The following PHLDB1 variants were observed in gnomAD, a reference collection of about 807,000 sequenced individuals.
The protein encoded by PHLDB1 is pleckstrin homology-like domain family B member 1.
A neutral mutation model predicts 139.3 loss-of-function variants in PHLDB1; 65 were observed. The observed-to-expected ratio is 0.47, with a 90% CI of 0.38 to 0.57. PHLDB1 has a LOEUF of 0.57. PHLDB1 is among the 20% of genes least tolerant of loss of function. PHLDB1 has a pLI of 0.00. For missense variants in PHLDB1, 1,624 were observed against 1,839.7 expected (o/e 0.88, Z 2.14); for synonymous variants, 679 against 734.5 (o/e 0.92, Z 1.22).
chr11:118,647,225 T>C (rs1947661631), intron 17 of PHLDB1: 1 of 152,216 alleles, frequency 6.6e-6, no homozygotes, highest in Non-Finnish European at 1.5e-5. Flanking sequence ...ATATATTAGC[T>C]GTCAAAAAAA....
intron 18 of PHLDB1, among the ~76,000 whole-genome samples, chr11:118,648,380 G>A (rs1217249160): frequency 5.3e-5 from 8 of 151,106 alleles, no homozygotes; most frequent in Non-Finnish European, 1.0e-4. Flanking sequence ...GCAGACATCC[G>A]GGGTCAGAGA....
intron 20 of PHLDB1, chr11:118,652,816 A>C (rs1353780427): frequency 6.6e-6 from 1 of 152,448 alleles, no homozygotes; most frequent in East Asian, 1.9e-4. Flanking sequence ...ACCACATGCC[A>C]GGTGCTGGGC....
chr11:118,617,150 G>A (rs1941816363), intron 4 of PHLDB1, among the ~76,000 whole-genome samples: 1 of 152,214 alleles, frequency 6.6e-6, no homozygotes. Context: ...TGACAGACCA[G>A]GTGTGCTCAC....
rs542973448 is a variant in PHLDB1, at chr11:118,645,457, C to T, written c.3223C>T (p.Pro1075Ser). 1.9e-6 allele frequency: 3 copies of T among 1,607,580 alleles called. No homozygotes were observed. The highest frequency in any genetic ancestry group is 2.2e-5 in the South Asian group (2 of 89,852). The part of the protein sequence containing the change: ...CQWDALHGAA[P>S]FPAGPSGFPP... ...GTGGGATGCCCTTCACGGGGCAGCA[C>T]CCTTCCCAGCGGGCCCCTCGGGCTT... Residue 1075 changes from proline to serine, a missense_variant, in exon 16 of 23, where the codon CCC (proline) becomes TCC (serine). By Grantham distance (74) the Pro-to-Ser change is moderately conservative. Coordinates refer to ENST00000600882, the MANE Select transcript of PHLDB1 (RefSeq NM_001144758.3). This position sits in a 1 kb window ranked among gnomAD's most constrained non-coding sequence, Gnocchi z 5.1.
At chr11:118,646,720 G>A (rs965311841) in intron 17 of PHLDB1, 14 of 152,228 alleles carry the variant, frequency 9.2e-5, no homozygotes, top group African/African-American at 3.1e-4. Context: ...GATAAATAAA[G>A]GATCTGCAGA....
chr11:118,650,098 C>G lies in PHLDB1; in HGVS notation c.3676C>G (p.Leu1226Val). ...CCAGGCACGACCCCTGACCCGCTAC[C>G]TGCCAATCCGGAAGGAGGACTTTGA... Reference protein sequence around the residue: ...FSQARPLTRYLPIRKEDFDLK... With the variant: ...FSQARPLTRYVPIRKEDFDLK... The change falls in exon 19 of 23, where the codon CTG becomes GTG. Residue 1226 changes from leucine (L) to valine (V), a missense_variant. Transcript: ENST00000600882. The surrounding 1 kb of genome is among the most constrained non-coding windows in gnomAD (Gnocchi z 4.7). The G allele has an allele frequency of 6.2e-7, 1 of 1,614,156 alleles. No individual in the cohort carries two copies. The highest frequency in any genetic ancestry group is 8.5e-7 in the Non-Finnish European group (1 of 1,179,974).
intron 13 of PHLDB1, 160 bp from the exon 14 acceptor site, chr11:118,643,640 A>T: frequency 5.1e-6 from 5 of 985,412 alleles, no homozygotes; most frequent in Non-Finnish European, 6.0e-6. Context: ...TGCCAATAGC[A>T]TCTGGCCATT....
intron 20 of PHLDB1, chr11:118,652,017 A>C (rs1948418779): frequency 6.6e-6 from 1 of 152,178 alleles, no homozygotes; most frequent in African/African-American, 2.4e-5. Flanking sequence ...GACACACATC[A>C]TTTCTGTCCA....
chr11:118,627,494 C>A lies in PHLDB1; in HGVS notation c.671C>A (p.Pro224Gln), dbSNP rs781811610. ...CCTGCCGCAACCTCTCCACTGTCAC[C>A]GATGGCTAATGGTGGGCGCTACCTG... ...KKPAATSPLS[P>Q]MANGGRYLLS... Residue 224 changes from proline to glutamine, a missense_variant, in exon 6 of 23, where the codon CCG becomes CAG. Physicochemically the swap from Pro to Gln is moderately conservative, Grantham distance 76. Coordinates refer to ENST00000600882, the MANE Select transcript of PHLDB1 (RefSeq NM_001144758.3). 6.2e-7 allele frequency: 1 copy of A among 1,614,108 alleles called. No individual in the cohort carries two copies. The highest frequency in any genetic ancestry group is 8.5e-7 in the Non-Finnish European group (1 of 1,180,042).
intron 6 of PHLDB1, chr11:118,629,857 C>T (rs1314068734): frequency 1.7e-5 from 7 of 400,796 alleles, no homozygotes; most frequent in Admixed American, 3.7e-5. Flanking sequence ...CACCCCCATT[C>T]CCACACATAA....
Position 118,638,873 on chromosome 11 carries a change from C to A in PHLDB1, c.2536-18C>A. 1 of 1,585,192 alleles carries A rather than the reference C, an allele frequency of 6.3e-7. No individual in the cohort carries two copies. Among genetic ancestry groups the A allele is most frequent in the Admixed American group, 1.8e-5 (1 of 56,884 alleles). ...CCCTGTCTCCCCAGGGCCTGATCAA[C>A]CACCCCATCTCCTTTAGGAGCGCCT... On this transcript the variant is annotated intron_variant, in intron 10 of 22. Coordinates refer to ENST00000600882, the MANE Select transcript of PHLDB1 (RefSeq NM_001144758.3).
intron 4 of PHLDB1, among the ~76,000 whole-genome samples, chr11:118,619,914 G>A (rs1942419760): frequency 6.6e-6 from 1 of 152,208 alleles, no homozygotes. Context: ...ATGCCTGGGT[G>A]AGTGTGTAAC....
chr11:118,642,326 G>A lies in PHLDB1; in HGVS notation c.2809G>A (p.Gly937Ser). The A allele has an allele frequency of 6.2e-7, 1 of 1,612,476 alleles. No homozygotes were observed. Among genetic ancestry groups the A allele is most frequent in the Non-Finnish European group, 8.5e-7 (1 of 1,179,928 alleles). ...YQELMAGLGT[G>S]PAAASPHSSP... ...GGAGCTGATGGCCGGGCTGGGGACT[G>A]GCCCCGCTGCAGCCTCCCCTCACTC... The change falls in exon 13 of 23, where the codon GGC becomes AGC. Residue 937 changes from glycine (G) to serine (S), a missense_variant. Transcript: ENST00000600882.
rs1412506969 is a variant in PHLDB1 at position 118,656,678 on chromosome 11, G to C, written c.3994-5G>C. On this transcript the variant is annotated splice_region_variant and splice_polypyrimidine_tract_variant and intron_variant, in intron 22 of 22. Coordinates refer to ENST00000600882, the MANE Select transcript of PHLDB1 (RefSeq NM_001144758.3). ...ATCTTAGACCTTCCTCTCTTCCTTT[G>C]GCAGAGCCCGAACCCAGCCCTCACC... The C allele has an allele frequency of 1.2e-6, 2 of 1,612,720 alleles. No individual in the cohort carries two copies. Among genetic ancestry groups the C allele is most frequent in the Non-Finnish European group, 1.7e-6 (2 of 1,179,218 alleles).
At chr11:118,656,579 G>A in intron 22 of PHLDB1, 104 bp from the exon 23 acceptor site, 2 of 1,137,670 alleles carry the variant, frequency 1.8e-6, no homozygotes, top group Non-Finnish European at 2.6e-6. Context: ...AAGCTCCAGG[G>A]CTTTCTAGGG....
intron 18 of PHLDB1, among the ~76,000 whole-genome samples, chr11:118,648,921 C>T (rs527436184): frequency 6.6e-6 from 1 of 152,296 alleles, no homozygotes; most frequent in East Asian, 1.9e-4. Context: ...TCACAGTTCC[C>T]TCATTTCCTA....
Position 118,631,358 on chromosome 11 carries a change from C to T in PHLDB1, c.1979C>T (p.Ala660Val). Residue 660 changes from alanine (A) to valine (V), a missense_variant, in exon 7 of 23, where the codon GCC (alanine) becomes GTC (valine). By Grantham distance (64) the Ala-to-Val change is moderately conservative. Transcript: ENST00000600882. Reference sequence around the variant, plus strand: ...AGGCCCTCACGAGGCCTTGCAGGGGCCTCTGGGCGGAGCAGCGAGGAGCCT... The same window carrying T: ...AGGCCCTCACGAGGCCTTGCAGGGGTCTCTGGGCGGAGCAGCGAGGAGCCT... ...GRRPSRGLAG[A>V]SGRSSEEPGV... is the part of the protein sequence containing the mutation. The T allele has an allele frequency of 6.5e-7, 1 of 1,533,364 alleles. No individual in the cohort carries two copies. The highest frequency in any genetic ancestry group is 8.8e-7 in the Non-Finnish European group (1 of 1,141,596). 95.0% of individuals were successfully genotyped at this position (1,533,364 alleles called of 1,614,324 possible).
At chr11:118,641,546 G>C in intron 12 of PHLDB1, 1 of 984,684 alleles carries the variant, frequency 1.0e-6, no homozygotes, top group Non-Finnish European at 1.3e-6. Context: ...CCTGTGGGTA[G>C]GGCCATCTCA....
rs1555118143 is a variant in PHLDB1 at position 118,639,181 on chromosome 11, T to A, written c.2666T>A (p.Val889Glu). 3.7e-6 allele frequency: 6 copies of A among 1,614,126 alleles called. No individual in the cohort carries two copies. In the South Asian group the frequency reaches 6.6e-5, roughly 18 times the overall value. ...TCGCAGGAGAAGGAGAAGCTGACTG[T>A]GCTGGAAAGGAGATACCACTCACTC... is the stretch of plus-strand genomic sequence containing the variant. ...LLQKEKEKLT[V>E]LERRYHSLTG... The change falls in exon 12 of 23, where the codon GTG (valine) becomes GAG (glutamate). Residue 889 changes from valine to glutamate, a missense_variant. By Grantham distance (121) the Val-to-Glu change is moderately radical (BLOSUM62 -2). Coordinates refer to ENST00000600882, the MANE Select transcript of PHLDB1 (RefSeq NM_001144758.3).
Sources: gnomAD v4.1 joint callset for allele counts (sites outside exome capture counted in the v4.1 genomes callset) on GRCh38, gnomAD v4.1.1 for gene constraint, Gnocchi (gnomAD v3.1) non-coding constraint, MANE v1.5 for transcripts, NCBI Gene and HGNC (gene_info 2026-07-23, HGNC 2026-07-21) for gene names.